The following SH2D4B variants were observed in gnomAD, a reference collection of about 807,000 sequenced individuals.
The protein encoded by SH2D4B is SH2 domain-containing protein 4B.
SH2D4B carries 45 observed loss-of-function variants against 61.5 expected under a neutral mutation model. The ratio of observed to expected loss-of-function variants is 0.73; its 90% CI spans 0.58 to 0.94. The LOEUF (loss-of-function observed/expected upper bound fraction) is 0.94, where lower values mean the gene tolerates loss of function less well. Ranked by LOEUF, SH2D4B falls within the 40% of genes least tolerant of loss-of-function variation. SH2D4B has a pLI of 0.00. For synonymous variants in SH2D4B, 224 were observed against 220.4 expected (o/e 1.02, Z -0.14); for missense variants, 572 against 574.2 (o/e 1.00, Z 0.04).
chr10:80,638,928 T>C (rs1383244388), intron 7 of SH2D4B, among the ~76,000 whole-genome samples: 1 of 152,244 alleles, frequency 6.6e-6, no homozygotes, highest in Non-Finnish European at 1.5e-5. Flanking sequence ...CATTTAGTGC[T>C]ATAAATTTCC....
chr10:80,635,378 G>A (rs1464197841), intron 7 of SH2D4B, among the ~76,000 whole-genome samples: 6 of 152,188 alleles, frequency 3.9e-5, no homozygotes, highest in African/African-American at 7.2e-5. Context: ...TCCGGCGTCC[G>A]ACATCTAACC....
rs866111273 is a variant in SH2D4B at position 80,634,468 on chromosome 10, G to A, written c.1172G>A (p.Arg391His). ...FYSFLGVDPN[R>H]HATLTDLVDF... ...AGCTTCCTGGGAGTGGACCCCAATC[G>A]CCATGCAACGCTCACGGATCTCGTT... Residue 391 changes from arginine (R) to histidine (H), a missense_variant, in exon 7 of 8, where the codon CGC becomes CAC. Transcript: ENST00000646907. 11 of 1,550,286 alleles carry A rather than the reference G, an allele frequency of 7.1e-6. No homozygotes were observed. Among genetic ancestry groups the A allele is most frequent in the Middle Eastern group, 1.7e-4 (1 of 5,978 alleles).
intron 4 of SH2D4B, among the ~76,000 whole-genome samples, chr10:80,591,275 C>T (rs1313139726): frequency 6.6e-6 from 1 of 151,928 alleles, no homozygotes; most frequent in Non-Finnish European, 1.5e-5. Flanking sequence ...CCTAGGAGTG[C>T]AGTTTCTGGG....
chr10:80,608,824 T>G (rs149163032), intron 5 of SH2D4B, among the ~76,000 whole-genome samples: 3 of 152,144 alleles, frequency 2.0e-5, no homozygotes, highest in Admixed American at 6.6e-5. Context: ...CCAGAGCAAA[T>G]TGAGGTTCTC....
chr10:80,625,891 G>T (rs2132155813), intron 6 of SH2D4B, among the ~76,000 whole-genome samples: 1 of 152,104 alleles, frequency 6.6e-6, no homozygotes, highest in East Asian at 1.9e-4. Flanking sequence ...GAATATTTTT[G>T]ATCTGTACTT....
intron 1 of SH2D4B, among the ~76,000 whole-genome samples, chr10:80,546,943 C>T (rs1223890519): frequency 6.6e-6 from 1 of 152,094 alleles, no homozygotes; most frequent in Non-Finnish European, 1.5e-5. Flanking sequence ...ATATTCTTCC[C>T]CATGGTTTTG....
intron 1 of SH2D4B, among the ~76,000 whole-genome samples, chr10:80,546,687 G>C (rs1236690019): frequency 6.6e-6 from 1 of 151,392 alleles, no homozygotes; most frequent in Non-Finnish European, 1.5e-5. Context: ...CACCGCGCCC[G>C]GCTAATTTTT....
chr10:80,639,952 T>G (rs1054995205), intron 7 of SH2D4B, among the ~76,000 whole-genome samples: 5 of 152,226 alleles, frequency 3.3e-5, no homozygotes, highest in African/African-American at 1.2e-4. Flanking sequence ...TGTTTAGTGC[T>G]TCCTTCAGGA....
chr10:80,565,594 C>G (rs1287039063), intron 1 of SH2D4B, among the ~76,000 whole-genome samples: 1 of 152,090 alleles, frequency 6.6e-6, no homozygotes, highest in Admixed American at 6.6e-5. Flanking sequence ...CCTTATTTTT[C>G]TCAGATGACA....
intron 7 of SH2D4B, among the ~76,000 whole-genome samples, chr10:80,640,422 C>A (rs1194196182): frequency 6.6e-6 from 1 of 152,202 alleles, no homozygotes; most frequent in African/African-American, 2.4e-5. Flanking sequence ...CTTTCAGGCA[C>A]ACCAATCAGA....
At chr10:80,600,304 A>G (rs1443051149) in intron 4 of SH2D4B, among the ~76,000 whole-genome samples, 3 of 152,224 alleles carry the variant, frequency 2.0e-5, no homozygotes, top group East Asian at 3.8e-4. Context: ...AGGGATTACT[A>G]CAAATTAATG....
At chr10:80,623,167 G>A (rs1345999710) in intron 6 of SH2D4B, among the ~76,000 whole-genome samples, 1 of 152,088 alleles carries the variant, frequency 6.6e-6, no homozygotes, top group East Asian at 1.9e-4. Flanking sequence ...CGCCTGCCTC[G>A]GCCTCCCAGA....
chr10:80,585,475 C>T (rs1454503748), intron 3 of SH2D4B, among the ~76,000 whole-genome samples: 2 of 152,002 alleles, frequency 1.3e-5, no homozygotes, highest in African/African-American at 2.4e-5. Flanking sequence ...CCACCATGCC[C>T]GACTAATTTT....
chr10:80,542,467 G>C (rs1250125668), intron 1 of SH2D4B, among the ~76,000 whole-genome samples: 4 of 144,350 alleles, frequency 2.8e-5, no homozygotes, highest in Admixed American at 1.4e-4. Context: ...GTGTGATCTC[G>C]GCTCACTGCT....
chr10:80,545,063 T>A (rs573604264), intron 1 of SH2D4B, among the ~76,000 whole-genome samples: 2 of 152,358 alleles, frequency 1.3e-5, no homozygotes, highest in East Asian at 3.9e-4. Flanking sequence ...TTAGCATGTC[T>A]GCAAGTATAT....
intron 6 of SH2D4B, among the ~76,000 whole-genome samples, chr10:80,610,727 CA>C (rs1339603981): frequency 1.3e-5 from 2 of 152,184 alleles, no homozygotes; most frequent in African/African-American, 2.4e-5. Flanking sequence ...TCATGTTGGT[CA>C]GATTGGATAT....
chr10:80,564,564 G>A (rs957199127), intron 1 of SH2D4B, among the ~76,000 whole-genome samples: 2 of 152,152 alleles, frequency 1.3e-5, no homozygotes, highest in Non-Finnish European at 2.9e-5. Flanking sequence ...ATGTCCTTGG[G>A]CATCTTCCGT....
intron 6 of SH2D4B, among the ~76,000 whole-genome samples, chr10:80,624,400 C>T (rs780297747): frequency 5.3e-5 from 8 of 152,220 alleles, no homozygotes; most frequent in Non-Finnish European, 1.0e-4. Flanking sequence ...CCTTCTCTTT[C>T]CTGTCTGGCA....
At chr10:80,568,651 A>C (rs1190909949) in intron 1 of SH2D4B, among the ~76,000 whole-genome samples, 1 of 152,184 alleles carries the variant, frequency 6.6e-6, no homozygotes, top group Non-Finnish European at 1.5e-5. Flanking sequence ...TGTCATACAA[A>C]ACCTTTAAAA....
Sources: allele counts gnomAD v4.1 joint callset (sites outside exome capture counted in the v4.1 genomes callset), GRCh38; gene constraint gnomAD v4.1.1; transcripts MANE v1.5; gene names NCBI Gene and HGNC (gene_info 2026-07-23, HGNC 2026-07-21).